NEDD4L: variants seen among roughly 807,000 people sequenced by gnomAD.
NEDD4L encodes NEDD4 like E3 ubiquitin protein ligase.
NEDD4L carries 54 observed loss-of-function variants against 148.9 expected under a neutral mutation model. The ratio of observed to expected loss-of-function variants is 0.36; its 90% CI spans 0.29 to 0.45. NEDD4L has a LOEUF of 0.45. Among genes scored for constraint, NEDD4L ranks in the 20% least tolerant of loss-of-function variants. NEDD4L has a pLI of 1.00. For synonymous variants in NEDD4L, 433 were observed against 440.7 expected (o/e 0.98, Z 0.22); for missense variants, 856 against 1,233.8 (o/e 0.69, Z 4.59).
chr18:58,240,236 C>T (rs941238539), intron 2 of NEDD4L, among the ~76,000 whole-genome samples: 6 of 151,994 alleles, frequency 3.9e-5, no homozygotes, highest in Admixed American at 6.6e-5. Flanking sequence ...GAGTGAACAG[C>T]TAGAACCTCC....
intron 1 of NEDD4L, among the ~76,000 whole-genome samples, chr18:58,155,391 A>G (rs1006858981): frequency 5.3e-5 from 8 of 152,144 alleles, no homozygotes; most frequent in African/African-American, 1.9e-4. Context: ...GAAACTGGAA[A>G]AAATAATTTC....
At chr18:58,319,531 G>A (rs535840245) in intron 6 of NEDD4L, among the ~76,000 whole-genome samples, 1 of 152,134 alleles carries the variant, frequency 6.6e-6, no homozygotes, top group Non-Finnish European at 1.5e-5. Context: ...ACCCTGGAAC[G>A]GGGGCAGCAT....
At chr18:58,376,592 C>G (rs538635128) in intron 24 of NEDD4L, among the ~76,000 whole-genome samples, 79 of 152,318 alleles carry the variant, frequency 5.2e-4, no homozygotes, top group African/African-American at 1.8e-3. Context: ...TTCTGCCGAT[C>G]TCTTCTCTCA....
At chr18:58,201,794 G>A (rs1041402172) in intron 2 of NEDD4L, among the ~76,000 whole-genome samples, 3 of 152,124 alleles carry the variant, frequency 2.0e-5, no homozygotes, top group Admixed American at 6.5e-5. Flanking sequence ...GCAGCACATG[G>A]TACATACTGT....
At chr18:58,341,895 C>T in intron 15 of NEDD4L, 98 bp downstream of exon 15, 2 of 1,367,528 alleles carry the variant, frequency 1.5e-6, no homozygotes, top group Non-Finnish European at 2.0e-6. Flanking sequence ...GCCACCTCCT[C>T]TCTCTGATCA....
intron 1 of NEDD4L, among the ~76,000 whole-genome samples, chr18:58,109,321 T>A (rs751740848): frequency 2.1e-4 from 32 of 152,184 alleles, no homozygotes; most frequent in Non-Finnish European, 4.3e-4. Context: ...GTTTCTGAAT[T>A]TTTGCCCCAG....
At position 58,298,015 on chromosome 18, in the gene NEDD4L, T is replaced by C. The variant is rs116776082; in HGVS notation, c.298-17967T>C. Among the ~76,000 whole-genome samples the C allele has an allele frequency of 1.9e-3, 288 of 152,324 alleles. 4 individuals are homozygous for C. The highest frequency in any genetic ancestry group is 6.5e-3 in the African/African-American group (272 of 41,572). Reference sequence around the variant, plus strand: ...TTCTCCAGTAAAATAGCAGTTTAAATTCTTGAAGGGAAACAATTAAAAAAT... The same window carrying C: ...TTCTCCAGTAAAATAGCAGTTTAAACTCTTGAAGGGAAACAATTAAAAAAT... On this transcript the variant is annotated intron_variant, in intron 5 of 30. Coordinates refer to ENST00000400345, the MANE Select transcript of NEDD4L (RefSeq NM_001144967.3).
chr18:58,275,931 C>A (rs541434469), intron 5 of NEDD4L, among the ~76,000 whole-genome samples: 1 of 152,264 alleles, frequency 6.6e-6, no homozygotes, highest in South Asian at 2.1e-4. Flanking sequence ...ATTTCCTAAG[C>A]GGCTCTGCAG....
At chr18:58,146,850 T>G (rs1264530190) in intron 1 of NEDD4L, among the ~76,000 whole-genome samples, 2 of 152,102 alleles carry the variant, frequency 1.3e-5, no homozygotes, top group East Asian at 1.9e-4. Context: ...TTCTTGATAG[T>G]TTTTGAACAA....
At chr18:58,208,127 C>T (rs977233408) in intron 2 of NEDD4L, among the ~76,000 whole-genome samples, 1 of 152,158 alleles carries the variant, frequency 6.6e-6, no homozygotes, top group South Asian at 2.1e-4. Flanking sequence ...CAAAGAGTTC[C>T]TGTTCTAATG....
intron 9 of NEDD4L, among the ~76,000 whole-genome samples, chr18:58,328,276 T>C (rs1477468717): frequency 6.6e-6 from 1 of 152,184 alleles, no homozygotes; most frequent in Non-Finnish European, 1.5e-5. Flanking sequence ...AAAAAAGTCT[T>C]CCAAATTGAA....
intron 1 of NEDD4L, among the ~76,000 whole-genome samples, chr18:58,156,874 A>G (rs1008571038): frequency 2.6e-5 from 4 of 151,978 alleles, no homozygotes; most frequent in African/African-American, 9.7e-5. Flanking sequence ...CTATCTCTCT[A>G]TTATTTTTAA....
chr18:58,161,326 C>T (rs1295587200), intron 1 of NEDD4L, among the ~76,000 whole-genome samples: 9 of 152,150 alleles, frequency 5.9e-5, no homozygotes, highest in South Asian at 4.1e-4. Context: ...CCACCGTACC[C>T]GGCAGGTTTG....
In NEDD4L at chr18:58,206,210, G is replaced by A. The variant is rs538354614; in HGVS notation, c.123-39217G>A. Among the ~76,000 whole-genome samples, 13 of 152,168 alleles carry A rather than the reference G, an allele frequency of 8.5e-5. No individual in the cohort carries two copies. In the South Asian group the frequency reaches 2.5e-3, roughly 29 times the overall value. On this transcript the variant is annotated intron_variant, in intron 2 of 30. Coordinates refer to ENST00000400345, the MANE Select transcript of NEDD4L (RefSeq NM_001144967.3). Reference sequence around the variant, plus strand: ...TCGGGACCAGCCTGACCAACGTGGCGAAACCCTGTCTCTACTAAAAATACA... The same window carrying A: ...TCGGGACCAGCCTGACCAACGTGGCAAAACCCTGTCTCTACTAAAAATACA...
At chr18:58,139,963 T>C (rs1306467449) in intron 1 of NEDD4L, among the ~76,000 whole-genome samples, 1 of 152,118 alleles carries the variant, frequency 6.6e-6, no homozygotes, top group Non-Finnish European at 1.5e-5. Flanking sequence ...CCTGATCAGA[T>C]TTATATTTTG....
At position 58,045,831 on chromosome 18, in the gene NEDD4L, C is replaced by T. The variant is rs1212763691; in HGVS notation, c.48+1123C>T. The T allele has an allele frequency of 2.8e-4, 43 of 152,226 alleles. 1 individual carries two copies. The highest frequency in any genetic ancestry group is 2.8e-3 in the Admixed American group (43 of 15,288). 9.4% of individuals were successfully genotyped at this position (152,226 alleles called of 1,614,324 possible). A position where few individuals can be genotyped will look rare whatever the true frequency, so the allele number is the denominator to read the frequency against. On this transcript the variant is annotated intron_variant, in intron 1 of 30. Coordinates refer to ENST00000400345, the MANE Select transcript of NEDD4L (RefSeq NM_001144967.3). ...TGTGCATTTCATGAAAAGTTGATGC[C>T]TGGAAATTCAGGCGTTCTCGATTTC... is the stretch of plus-strand genomic sequence containing the variant.
intron 5 of NEDD4L, among the ~76,000 whole-genome samples, chr18:58,296,959 C>A (rs2055696622): frequency 6.6e-6 from 1 of 151,990 alleles, no homozygotes; most frequent in Non-Finnish European, 1.5e-5. Flanking sequence ...TCTTGGCACT[C>A]CCCTGTAATC....
chr18:58,274,884 T>G (rs1307875558), intron 5 of NEDD4L, among the ~76,000 whole-genome samples: 2 of 152,228 alleles, frequency 1.3e-5, no homozygotes, highest in Non-Finnish European at 2.9e-5. Context: ...ATAAATGGGT[T>G]GAGTTTCTAT....
chr18:58,315,064 T>G (rs978352159), intron 5 of NEDD4L, among the ~76,000 whole-genome samples: 2 of 152,216 alleles, frequency 1.3e-5, no homozygotes, highest in Non-Finnish European at 2.9e-5. Flanking sequence ...GCTATGGGGC[T>G]GGTCTCATCA....
Sources: gnomAD v4.1 joint callset for allele counts (sites outside exome capture counted in the v4.1 genomes callset) on GRCh38, gnomAD v4.1.1 for gene constraint, MANE v1.5 for transcripts, NCBI Gene and HGNC (gene_info 2026-07-23, HGNC 2026-07-21) for gene names.